Variants in TMEM244 observed in about 807,000 individuals in gnomAD.
TMEM244 encodes transmembrane protein 244.
A neutral mutation model predicts 15.8 loss-of-function variants in TMEM244; 13 were observed. The ratio of observed to expected loss-of-function variants is 0.82; its 90% CI spans 0.53 to 1.30. The LOEUF (loss-of-function observed/expected upper bound fraction) is 1.30, where lower values mean the gene tolerates loss of function less well. Among genes scored for constraint, TMEM244 ranks in the 50% most tolerant of loss-of-function variants. The pLI is 0.00. For missense variants in TMEM244, 161 were observed against 144.9 expected (o/e 1.11, Z -0.57); for synonymous variants, 45 against 48.7 (o/e 0.92, Z 0.32).
intron 1 of TMEM244, 63 bp downstream of exon 1, chr6:129,861,093 A>T: frequency 1.3e-6 from 2 of 1,578,174 alleles, no homozygotes; most frequent in African/African-American, 2.7e-5. Flanking sequence ...TATAGAACAT[A>T]TTCATTTACA....
chr6:129,840,244 G>A (rs1266208031), intron 3 of TMEM244, among the ~76,000 whole-genome samples: 1 of 152,088 alleles, frequency 6.6e-6, no homozygotes, highest in Non-Finnish European at 1.5e-5. Context: ...ATAGACCAAT[G>A]GAACAGAACA....
At chr6:129,845,878 C>T in intron 1 of TMEM244, 26 bp from the exon 2 acceptor site, 2 of 1,512,626 alleles carry the variant, frequency 1.3e-6, no homozygotes, top group Non-Finnish European at 1.8e-6. Context: ...GCATGAGGTC[C>T]AAGAGCCTGG....
At chr6:129,858,648 G>C (rs1776753297) in intron 1 of TMEM244, among the ~76,000 whole-genome samples, 2 of 152,052 alleles carry the variant, frequency 1.3e-5, no homozygotes, top group African/African-American at 4.8e-5. Context: ...GTCTCTAAAA[G>C]ACAGACACTG....
intron 3 of TMEM244, among the ~76,000 whole-genome samples, chr6:129,834,614 C>T (rs1161143831): frequency 6.6e-6 from 1 of 152,182 alleles, no homozygotes; most frequent in South Asian, 2.1e-4. Context: ...GCCCCAGGTG[C>T]AATCTTTTTA....
At chr6:129,839,293 T>C (rs1187825048) in intron 3 of TMEM244, among the ~76,000 whole-genome samples, 1 of 152,236 alleles carries the variant, frequency 6.6e-6, no homozygotes, top group African/African-American at 2.4e-5. Context: ...TCAATAAACG[T>C]AATCCATCAT....
rs1229860476 is a variant in TMEM244 at position 129,837,444 on chromosome 6, C to A, written c.194-3859G>T. 5.3e-5 allele frequency among the ~76,000 whole-genome samples: 8 copies of A among 152,182 alleles called. No homozygotes were observed. In the East Asian group the frequency reaches 1.2e-3, roughly 22 times the overall value. On this transcript the variant is annotated intron_variant, in intron 3 of 4. Coordinates refer to ENST00000368143, the MANE Select transcript of TMEM244 (RefSeq NM_001010876.2). ...AGGAAGCACTAAACATGGAAAGGAA[C>A]AACAGGTACTAGCCACTGCAAAAAC... is the stretch of plus-strand genomic sequence containing the variant.
chr6:129,859,526 TACA>T (rs1341291243), intron 1 of TMEM244, among the ~76,000 whole-genome samples: 2 of 152,366 alleles, frequency 1.3e-5, no homozygotes, highest in Non-Finnish European at 2.9e-5. Context: ...CTGAGATTTT[TACA>T]ACATTTGTTT....
chr6:129,860,131 GTGTGTGTGTGTGTGTGTC>G (rs1403322571), intron 1 of TMEM244, among the ~76,000 whole-genome samples: 3 of 146,354 alleles, frequency 2.0e-5, no homozygotes, highest in Non-Finnish European at 4.5e-5. Context: ...GTGTGTGTGT[GTGTGTGTGTGTGTGTGTC>G]TGTCTGTCTG....
intron 3 of TMEM244, among the ~76,000 whole-genome samples, chr6:129,839,686 T>C (rs1162611932): frequency 5.9e-5 from 9 of 152,196 alleles, no homozygotes; most frequent in Non-Finnish European, 1.3e-4. Context: ...AACCCCATTG[T>C]CTCAGCCCAA....
At chr6:129,840,809 A>G (rs979988808) in intron 3 of TMEM244, among the ~76,000 whole-genome samples, 56 of 152,358 alleles carry the variant, frequency 3.7e-4, no homozygotes, top group African/African-American at 1.3e-3. Context: ...TGCCGCCAAC[A>G]GACATATGAA....
At chr6:129,856,265 CA>C (rs1776703830) in intron 1 of TMEM244, among the ~76,000 whole-genome samples, 1 of 152,070 alleles carries the variant, frequency 6.6e-6, no homozygotes, top group African/African-American at 2.4e-5. Context: ...TATGACATTC[CA>C]ATGGGATACT....
At chr6:129,856,803 A>G (rs912758597) in intron 1 of TMEM244, among the ~76,000 whole-genome samples, 1 of 151,976 alleles carries the variant, frequency 6.6e-6, no homozygotes, top group Admixed American at 6.6e-5. Context: ...TTTTATTGAG[A>G]TTATGCCAAA....
intron 1 of TMEM244, among the ~76,000 whole-genome samples, chr6:129,855,833 A>C (rs1776697894): frequency 6.6e-6 from 1 of 152,060 alleles, no homozygotes; most frequent in Non-Finnish European, 1.5e-5. Flanking sequence ...TTTTCATTGC[A>C]CTGTTCATCG....
chr6:129,845,339 C>G (rs138024709), intron 2 of TMEM244, among the ~76,000 whole-genome samples: 47 of 152,314 alleles, frequency 3.1e-4, no homozygotes, highest in African/African-American at 1.1e-3. Context: ...GATTCAATAC[C>G]AGACCAGGGA....
chr6:129,839,107 C>G (rs1562196681), intron 3 of TMEM244, among the ~76,000 whole-genome samples: 1 of 152,116 alleles, frequency 6.6e-6, no homozygotes, highest in Non-Finnish European at 1.5e-5. Context: ...ATACCAAAGC[C>G]TGGTAGAGAC....
At chr6:129,854,472 C>A (rs1235530061) in intron 1 of TMEM244, among the ~76,000 whole-genome samples, 1 of 152,062 alleles carries the variant, frequency 6.6e-6, no homozygotes, top group Non-Finnish European at 1.5e-5. Flanking sequence ...TAAGAAGAGA[C>A]AAAATAATCA....
intron 1 of TMEM244, among the ~76,000 whole-genome samples, chr6:129,853,295 AAACT>A (rs151201715): frequency 0.023 from 3,510 of 152,232 alleles, 42 homozygotes; most frequent in African/African-American, 0.03. Context: ...TCTCTTTGGA[AAACT>A]AACTCCCACT....
intron 1 of TMEM244, among the ~76,000 whole-genome samples, chr6:129,859,940 T>G (rs1471529431): frequency 6.6e-6 from 1 of 152,234 alleles, no homozygotes; most frequent in African/African-American, 2.4e-5. Flanking sequence ...AACTCATAAC[T>G]TATAGGGATG....
chr6:129,835,250 T>A (rs1290429375), intron 3 of TMEM244, among the ~76,000 whole-genome samples: 2 of 151,978 alleles, frequency 1.3e-5, no homozygotes, highest in African/African-American at 4.8e-5. Flanking sequence ...TGAAAAAAAC[T>A]TAGCCTGGCA....
Sources: allele counts gnomAD v4.1 joint callset (sites outside exome capture counted in the v4.1 genomes callset), GRCh38; gene constraint gnomAD v4.1.1; transcripts MANE v1.5; gene names NCBI Gene and HGNC (gene_info 2026-07-23, HGNC 2026-07-21).